Variants in LGSN observed in about 807,000 individuals in gnomAD.
The protein encoded by LGSN is lengsin, lens protein with glutamine synthetase domain, also known as lengsin.
A neutral mutation model predicts 19.5 loss-of-function variants in LGSN; 21 were observed. The observed-to-expected ratio is 1.07, with a 90% CI of 0.76 to 1.55. The LOEUF is 1.55. LGSN is among the 40% of genes most tolerant of loss of function. LGSN has a pLI of 0.00. For synonymous variants in LGSN, 257 were observed against 215.6 expected (o/e 1.19, Z -1.68); for missense variants, 673 against 608.5 (o/e 1.11, Z -1.12).
At chr6:63,453,780 A>G in the LGSN span, among the ~76,000 whole-genome samples, 7 of 152,128 alleles carry the variant, frequency 4.6e-5, no homozygotes, top group African/African-American at 1.4e-4. Flanking sequence ...CAGCCTCCCA[A>G]GTAGCTGGAA....
chr6:63,280,068 C>T lies in LGSN; in HGVS notation c.1483G>A (p.Glu495Lys). Residue 495 changes from glutamate to lysine, a missense_variant, in exon 4 of 4, where the codon GAA becomes AAA. Transcript: ENST00000370657. Reference sequence around the variant, plus strand: ...TTATTTCTCTCTGCAGCTATTTCTTCATTCTCCAACTCATATTTCTTCATG... The same window carrying T: ...TTATTTCTCTCTGCAGCTATTTCTTTATTCTCCAACTCATATTTCTTCATG... ...VAMKKYELENEEIAAERNKFL... is the reference protein window; with the variant it reads ...VAMKKYELENKEIAAERNKFL... 1 of 1,612,210 alleles carries T rather than the reference C, an allele frequency of 6.2e-7. No individual in the cohort carries two copies. Among genetic ancestry groups the T allele is most frequent in the Non-Finnish European group, 8.5e-7 (1 of 1,179,140 alleles).
chr6:63,474,105 T>C, the LGSN span, among the ~76,000 whole-genome samples: 1 of 152,180 alleles, frequency 6.6e-6, no homozygotes, highest in African/African-American at 2.4e-5. Flanking sequence ...TTGGCCCATA[T>C]TATGACATTC....
At chr6:63,562,093 A>G in the LGSN span, among the ~76,000 whole-genome samples, 13 of 152,082 alleles carry the variant, frequency 8.5e-5, no homozygotes, top group East Asian at 2.5e-3. Context: ...AATGTCAGTT[A>G]TTACCTGTTA....
At chr6:63,354,326 G>T in the LGSN span, among the ~76,000 whole-genome samples, 4 of 152,032 alleles carry the variant, frequency 2.6e-5, no homozygotes, top group East Asian at 7.7e-4. Flanking sequence ...TAAAAAGTGG[G>T]CAAGAGGTCT....
rs763140496 is a variant in LGSN, at chr6:63,280,507, G to C, written c.1044C>G (p.Leu348=). ...TITGKKWLAG[L]LKHSAALSCL... is the part of the protein sequence containing the mutation. ...AGCTGAGCGCAGCAGAGTGCTTCAA[G>C]AGTCCTGCCAACCATTTTTTCCCAG... Residue 348 remains leucine, a synonymous_variant, in exon 4 of 4, where the codon CTC becomes CTG. Transcript: ENST00000370657. The C allele has an allele frequency of 6.2e-6, 10 of 1,613,994 alleles. No individual in the cohort carries two copies. Among genetic ancestry groups the C allele is most frequent in the Admixed American group, 1.7e-5 (1 of 60,008 alleles).
At chr6:63,321,507 A>G (rs1769081762), upstream of LGSN, among the ~76,000 whole-genome samples, 1 of 152,106 alleles carries the variant, frequency 6.6e-6, no homozygotes, top group African/African-American at 2.4e-5. Context: ...GATTCATTTC[A>G]TCTTCTTTTC....
chr6:63,355,129 A>G, the LGSN span, among the ~76,000 whole-genome samples: 3 of 152,242 alleles, frequency 2.0e-5, no homozygotes, highest in Admixed American at 1.3e-4. Flanking sequence ...TTCCCAACAC[A>G]TAAAAATGAT....
At chr6:63,412,453 A>AGAAG in the LGSN span, among the ~76,000 whole-genome samples, 241 of 135,206 alleles carry the variant, frequency 1.8e-3, 2 homozygotes, top group African/African-American at 7.7e-3. Flanking sequence ...CAAGAAAGAA[A>AGAAG]GAAAGAAAGA....
the LGSN span, among the ~76,000 whole-genome samples, chr6:63,387,107 A>T: frequency 2.0e-5 from 3 of 152,316 alleles, no homozygotes; most frequent in East Asian, 5.8e-4. Flanking sequence ...TCTCAAAAAA[A>T]AATAAAAGAA....
the LGSN span, among the ~76,000 whole-genome samples, chr6:63,350,937 A>G: frequency 6.6e-6 from 1 of 152,126 alleles, no homozygotes; most frequent in Non-Finnish European, 1.5e-5. Context: ...AGAATTTGCC[A>G]TTCAATCACT....
intron 1 of LGSN, among the ~76,000 whole-genome samples, chr6:63,308,773 T>C (rs370196688): frequency 2.5e-4 from 38 of 152,216 alleles, no homozygotes; most frequent in South Asian, 1.9e-3. Context: ...CTGTTAGAAA[T>C]AGTGGAAAAA....
the LGSN span, among the ~76,000 whole-genome samples, chr6:63,466,625 G>C: frequency 6.6e-6 from 1 of 152,250 alleles, no homozygotes; most frequent in Middle Eastern, 3.4e-3. Flanking sequence ...TATTTTGTTG[G>C]AAGAGCCAGC....
the LGSN span, among the ~76,000 whole-genome samples, chr6:63,345,254 A>G: frequency 1.3e-5 from 2 of 152,162 alleles, no homozygotes; most frequent in Admixed American, 6.6e-5. Context: ...AACAGATTTT[A>G]GTAAGGTGGT....
At chr6:63,315,302 G>C (rs911373719) in intron 1 of LGSN, among the ~76,000 whole-genome samples, 1 of 152,066 alleles carries the variant, frequency 6.6e-6, no homozygotes, top group East Asian at 1.9e-4. Context: ...AGACCTGATG[G>C]TAACCCACTA....
At chr6:63,360,267 G>GT in the LGSN span, among the ~76,000 whole-genome samples, 1 of 152,288 alleles carries the variant, frequency 6.6e-6, no homozygotes, top group Admixed American at 6.5e-5. Flanking sequence ...TTTCAACTTG[G>GT]TTCCATTCTC....
At chr6:63,470,487 A>T in the LGSN span, among the ~76,000 whole-genome samples, 3 of 151,088 alleles carry the variant, frequency 2.0e-5, no homozygotes, top group Non-Finnish European at 4.4e-5. Context: ...AAAAAAAAAA[A>T]AGAAAGAAAA....
At chr6:63,554,853 T>C in the LGSN span, among the ~76,000 whole-genome samples, 1 of 152,222 alleles carries the variant, frequency 6.6e-6, no homozygotes, top group Non-Finnish European at 1.5e-5. Context: ...TTGGGGACAA[T>C]CTTACTCTTA....
the LGSN span, among the ~76,000 whole-genome samples, chr6:63,428,910 A>T: frequency 6.6e-6 from 1 of 152,082 alleles, no homozygotes; most frequent in Non-Finnish European, 1.5e-5. Flanking sequence ...GCAGCTGGGC[A>T]TGGTGGTGCA....
the LGSN span, among the ~76,000 whole-genome samples, chr6:63,338,959 A>G: frequency 2.0e-5 from 3 of 152,284 alleles, no homozygotes; most frequent in Admixed American, 6.5e-5. Flanking sequence ...TTTAATTTCC[A>G]TATATTTGAA....
Sources: allele counts gnomAD v4.1 joint callset (sites outside exome capture counted in the v4.1 genomes callset), GRCh38; gene constraint gnomAD v4.1.1; transcripts MANE v1.5; gene names NCBI Gene and HGNC (gene_info 2026-07-23, HGNC 2026-07-21).